The following SYN3 variants were observed in gnomAD, a reference collection of about 807,000 sequenced individuals.
SYN3 encodes synapsin III.
Under a neutral mutation model 65.8 loss-of-function variants are expected in SYN3, and 35 were observed. That is an observed-to-expected ratio of 0.53 (90% CI 0.41 to 0.70). The LOEUF is 0.70. Among genes scored for constraint, SYN3 ranks in the 30% least tolerant of loss-of-function variants. The pLI is 0.00. For synonymous variants in SYN3, 270 were observed against 292.9 expected, an observed-to-expected ratio of 0.92 and a Z score of 0.80; for missense variants, 680 against 749.0, an observed-to-expected ratio of 0.91 and a Z score of 1.08.
intron 1 of SYN3, among the ~76,000 whole-genome samples, chr22:33,029,780 C>G (rs1352023608): frequency 6.6e-6 from 1 of 152,170 alleles, no homozygotes; most frequent in Non-Finnish European, 1.5e-5. Flanking sequence ...TGACTGAGTC[C>G]AGGCCCTACG....
intron 6 of SYN3, among the ~76,000 whole-genome samples, chr22:32,636,599 G>A (rs1020347052): frequency 6.6e-6 from 1 of 152,134 alleles, no homozygotes; most frequent in Non-Finnish European, 1.5e-5. Context: ...TGGTGACCTT[G>A]ATCCTGGGGG....
intron 6 of SYN3, among the ~76,000 whole-genome samples, chr22:32,681,813 A>C (rs2060526151): frequency 6.6e-6 from 1 of 152,224 alleles, no homozygotes; most frequent in South Asian, 2.1e-4. Context: ...CATACTAAAA[A>C]CGATCAATAG....
At chr22:32,918,941 G>A (rs1173615515) in intron 4 of SYN3, among the ~76,000 whole-genome samples, 1 of 152,196 alleles carries the variant, frequency 6.6e-6, no homozygotes, top group Non-Finnish European at 1.5e-5. Context: ...GCCTACACAG[G>A]TGGCCTCTGT....
At chr22:32,782,806 C>T (rs149556935) in intron 6 of SYN3, among the ~76,000 whole-genome samples, 2 of 152,308 alleles carry the variant, frequency 1.3e-5, no homozygotes, top group African/African-American at 4.8e-5. Flanking sequence ...CGTGAGCCAC[C>T]GTGCCCAGCC....
intron 6 of SYN3, among the ~76,000 whole-genome samples, chr22:32,647,982 T>C (rs2060008552): frequency 6.6e-6 from 1 of 152,128 alleles, no homozygotes; most frequent in African/African-American, 2.4e-5. Flanking sequence ...CAAGTGATCC[T>C]CTCACTTCAG....
At chr22:32,963,153 T>G (rs928205665) in intron 3 of SYN3, among the ~76,000 whole-genome samples, 3 of 151,102 alleles carry the variant, frequency 2.0e-5, no homozygotes, top group African/African-American at 7.3e-5. Flanking sequence ...CTCGGCTCAC[T>G]GCAATCTCTG....
At position 33,028,682 on chromosome 22, in the gene SYN3, G is replaced by GTGGTGGTGA. The variant is rs1273544751; in HGVS notation, c.-162-21867_-162-21859dup. ...GGTGGTGGTGGTGGTGGTGGTGGTG[G>GTGGTGGTGA]TGGTGGTGATGGTGGTGGTGGTGGT... On this transcript the variant is annotated intron_variant, in intron 1 of 13. Coordinates refer to ENST00000358763, the MANE Select transcript of SYN3 (RefSeq NM_003490.4). Among the ~76,000 whole-genome samples the GTGGTGGTGA allele has an allele frequency of 8.4e-5, 8 of 94,696 alleles. No individual in the cohort carries two copies. In the East Asian group the frequency reaches 8.7e-4, roughly 10 times the overall value. 62.1% of individuals were successfully genotyped at this position (94,696 alleles called of 152,430 possible).
intron 6 of SYN3, among the ~76,000 whole-genome samples, chr22:32,823,087 A>C (rs1328738403): frequency 1.3e-5 from 2 of 152,198 alleles, no homozygotes; most frequent in East Asian, 3.9e-4. Flanking sequence ...AAATTTCACT[A>C]CATTGACACA....
At chr22:32,739,376 C>CTT (rs3070577) in intron 6 of SYN3, among the ~76,000 whole-genome samples, 2 of 138,958 alleles carry the variant, frequency 1.4e-5, no homozygotes, top group Admixed American at 7.1e-5. Context: ...TAAACCCCCC[C>CTT]TTTTTTTTTT....
At chr22:32,569,256 A>AATCTATCTATCTATCTATCTATCT (rs71320935) in intron 7 of SYN3, among the ~76,000 whole-genome samples, 3 of 140,990 alleles carry the variant, frequency 2.1e-5, no homozygotes, top group African/African-American at 5.2e-5. Flanking sequence ...ATGCATCCAA[A>AATCTATCTATCTATCTATCTATCT]ATCTATCTAT....
chr22:32,662,942 A>G (rs937670545), intron 6 of SYN3, among the ~76,000 whole-genome samples: 1 of 152,180 alleles, frequency 6.6e-6, no homozygotes, highest in African/African-American at 2.4e-5. Flanking sequence ...CAAACAACCA[A>G]CCAAGAGATT....
At chr22:33,058,072 G>C (rs974951280) in intron 1 of SYN3, among the ~76,000 whole-genome samples, 1 of 152,048 alleles carries the variant, frequency 6.6e-6, no homozygotes, top group African/African-American at 2.4e-5. Flanking sequence ...CCCAGGGACC[G>C]GCCCAGGGCC....
chr22:32,599,039 T>C (rs1001355868), intron 6 of SYN3, among the ~76,000 whole-genome samples: 3 of 152,078 alleles, frequency 2.0e-5, no homozygotes, highest in African/African-American at 7.2e-5. Context: ...CTGCTAACAG[T>C]TTTGGTTTAT....
intron 6 of SYN3, among the ~76,000 whole-genome samples, chr22:32,606,874 T>C (rs2146659222): frequency 6.6e-6 from 1 of 152,076 alleles, no homozygotes; most frequent in South Asian, 2.1e-4. Flanking sequence ...TTATTTTTAT[T>C]ATACTTTAAG....
intron 1 of SYN3, among the ~76,000 whole-genome samples, chr22:33,049,034 T>C (rs1268586144): frequency 6.6e-6 from 1 of 152,246 alleles, no homozygotes; most frequent in Non-Finnish European, 1.5e-5. Flanking sequence ...AGGGAATTAC[T>C]ATTCAGGGTT....
intron 1 of SYN3, among the ~76,000 whole-genome samples, chr22:33,017,193 T>G (rs2053481796): frequency 6.6e-6 from 1 of 152,236 alleles, no homozygotes; most frequent in Admixed American, 6.5e-5. Context: ...TCTTGTCACC[T>G]TTGTCAAATT....
intron 2 of SYN3, among the ~76,000 whole-genome samples, chr22:32,990,134 A>G (rs2052652163): frequency 6.6e-6 from 1 of 152,224 alleles, no homozygotes; most frequent in Admixed American, 6.5e-5. Context: ...TTGATGGCAT[A>G]AGGAGGATAA....
At chr22:32,766,193 G>A (rs550040916) in intron 6 of SYN3, among the ~76,000 whole-genome samples, 2 of 152,306 alleles carry the variant, frequency 1.3e-5, no homozygotes, top group Admixed American at 1.3e-4. Context: ...AAGGCACTTA[G>A]GGAAGGGATC....
At chr22:32,754,982 C>A (rs1419696947) in intron 6 of SYN3, among the ~76,000 whole-genome samples, 1 of 152,194 alleles carries the variant, frequency 6.6e-6, no homozygotes, top group East Asian at 1.9e-4. Flanking sequence ...CCTCTGCTCC[C>A]CCTGCAAGGA....
Sources: allele counts gnomAD v4.1 joint callset (sites outside exome capture counted in the v4.1 genomes callset), GRCh38; gene constraint gnomAD v4.1.1; transcripts MANE v1.5; gene names NCBI Gene and HGNC (gene_info 2026-07-23, HGNC 2026-07-21).